Variants in TCAIM observed in about 807,000 individuals in gnomAD.
TCAIM encodes T cell activation inhibitor, mitochondrial.
Under a neutral mutation model 58.6 loss-of-function variants are expected in TCAIM, and 36 were observed. That is an observed-to-expected ratio of 0.61 (90% CI 0.47 to 0.81). TCAIM has a LOEUF of 0.81. Among genes scored for constraint, TCAIM ranks in the 30% least tolerant of loss-of-function variants. The pLI is 0.00. For missense variants in TCAIM, 466 were observed against 579.6 expected, an observed-to-expected ratio of 0.80 and a Z score of 2.01; for synonymous variants, 172 against 193.6, an observed-to-expected ratio of 0.89 and a Z score of 0.93.
At position 44,392,879 on chromosome 3, in the gene TCAIM, A is replaced by T. The variant is rs1200012992; in HGVS notation, c.597A>T (p.Lys199Asn). ...TLTSWLDNNG[K>N]SAVKKLKNSL... ...GATCCTGGTTAGATAACAATGGGAA[A>T]AGTGCTGTTAAAAAGCTAAAGAACA... Residue 199 changes from lysine to asparagine, a missense_variant, in exon 6 of 11, where the codon AAA (lysine) becomes AAT (asparagine). Coordinates refer to ENST00000342649, the MANE Select transcript of TCAIM (RefSeq NM_173826.4). 2.5e-6 allele frequency: 4 copies of T among 1,613,170 alleles called. No individual in the cohort carries two copies. In the African/African-American group the frequency reaches 5.3e-5, roughly 22 times the overall value.
At chr3:44,358,798 G>C (rs1230739979) in intron 3 of TCAIM, 19 of 985,130 alleles carry the variant, frequency 1.9e-5, no homozygotes, top group Non-Finnish European at 2.3e-5. Context: ...CTGATATCTA[G>C]TTTAATATGA....
At chr3:44,371,560 A>G (rs1575256606) in intron 5 of TCAIM, among the ~76,000 whole-genome samples, 2 of 152,324 alleles carry the variant, frequency 1.3e-5, no homozygotes, top group East Asian at 1.9e-4. Context: ...AATGCAGGGT[A>G]GGCTAAATCC....
chr3:44,382,552 A>G (rs1170646027), intron 5 of TCAIM, among the ~76,000 whole-genome samples: 1 of 152,210 alleles, frequency 6.6e-6, no homozygotes, highest in Non-Finnish European at 1.5e-5. Flanking sequence ...GCCACATGCA[A>G]AGGAATGAAG....
chr3:44,372,011 AAGGAAG>A (rs1172638360), intron 5 of TCAIM, among the ~76,000 whole-genome samples: 260 of 16,406 alleles, frequency 0.016, no homozygotes, highest in African/African-American at 0.044. Context: ...AGAAAGAGAG[AAGGAAG>A]GAAGGAAGGA....
chr3:44,401,109 T>C, intron 9 of TCAIM, 94 bp from the exon 10 acceptor site: 1 of 1,518,038 alleles, frequency 6.6e-7, no homozygotes, highest in Non-Finnish European at 8.8e-7. Context: ...CTTGATGATT[T>C]TTTTTTATTT....
chr3:44,358,644 T>C, intron 3 of TCAIM: 1 of 604,520 alleles, frequency 1.7e-6, no homozygotes, highest in Non-Finnish European at 2.1e-6. Flanking sequence ...TACACTATTT[T>C]ATATGAGAGA....
At chr3:44,353,698 A>G (rs1434514626) in intron 1 of TCAIM, among the ~76,000 whole-genome samples, 1 of 152,144 alleles carries the variant, frequency 6.6e-6, no homozygotes, top group Non-Finnish European at 1.5e-5. Context: ...ACTGCATTTC[A>G]TATGCTCATT....
intron 5 of TCAIM, among the ~76,000 whole-genome samples, chr3:44,369,444 T>C (rs990582498): frequency 6.6e-6 from 1 of 152,232 alleles, no homozygotes; most frequent in African/African-American, 2.4e-5. Context: ...AAGCAGTTGG[T>C]CTGTGGTTCA....
At chr3:44,379,187 C>CA (rs757481300) in intron 5 of TCAIM, among the ~76,000 whole-genome samples, 4,491 of 122,152 alleles carry the variant, frequency 0.037, 91 homozygotes, top group Middle Eastern at 0.08. Flanking sequence ...GGCCCTGTCT[C>CA]AAAAAAAAAA....
At chr3:44,367,859 C>A in intron 5 of TCAIM, 151 bp downstream of exon 5, 1 of 715,504 alleles carries the variant, frequency 1.4e-6, no homozygotes, top group Non-Finnish European at 2.2e-6. Context: ...GTAATACTAT[C>A]AGTCTAGTTA....
chr3:44,341,974 T>C, intron 1 of TCAIM, among the ~76,000 whole-genome samples: 1 of 152,220 alleles, frequency 6.6e-6, no homozygotes, highest in Admixed American at 6.5e-5. Context: ...TCTGTGTCTT[T>C]CCACCATTTT....
At position 44,392,382 on chromosome 3, in the gene TCAIM, A is replaced by C. The variant is rs548320701; in HGVS notation, c.573-473A>C. The stretch of plus-strand genomic sequence containing the variant: ...ACATGTGTAGGTTTGTTATATAAAT[A>C]AACTCTCATCATAGGGGTTTGTTGT... On this transcript the variant is annotated intron_variant, in intron 5 of 10. Transcript: ENST00000342649. Among the ~76,000 whole-genome samples, 4 of 152,266 alleles carry C rather than the reference A, an allele frequency of 2.6e-5. No homozygotes were observed. In the South Asian group the frequency reaches 6.2e-4, roughly 24 times the overall value.
chr3:44,365,632 C>T (rs529236392), intron 4 of TCAIM, among the ~76,000 whole-genome samples: 25 of 152,096 alleles, frequency 1.6e-4, no homozygotes, highest in African/African-American at 5.3e-4. Flanking sequence ...CGGCCTCATA[C>T]GTGATACACA....
At chr3:44,376,859 C>T (rs182600520) in intron 5 of TCAIM, among the ~76,000 whole-genome samples, 151 of 152,258 alleles carry the variant, frequency 9.9e-4, no homozygotes, top group Admixed American at 1.9e-3. Flanking sequence ...GAGACTAAGG[C>T]GGGTGGATCA....
intron 8 of TCAIM, among the ~76,000 whole-genome samples, chr3:44,400,093 A>G (rs987595629): frequency 6.6e-6 from 1 of 152,232 alleles, no homozygotes; most frequent in African/African-American, 2.4e-5. Context: ...GCTTAGGATT[A>G]GGACTTACTT....
At chr3:44,396,266 C>G in intron 6 of TCAIM, 134 bp from the exon 7 acceptor site, 2 of 629,638 alleles carry the variant, frequency 3.2e-6, no homozygotes, top group South Asian at 5.6e-5. Context: ...AACATATGAT[C>G]AATCAAAACA....
At chr3:44,396,116 C>T (rs886276974) in intron 6 of TCAIM, among the ~76,000 whole-genome samples, 1 of 152,236 alleles carries the variant, frequency 6.6e-6, no homozygotes, top group Non-Finnish European at 1.5e-5. Flanking sequence ...CCCATTTCAT[C>T]ATCTTATTTT....
intron 5 of TCAIM, among the ~76,000 whole-genome samples, chr3:44,370,856 C>G (rs1393594447): frequency 6.6e-6 from 1 of 150,908 alleles, no homozygotes; most frequent in African/African-American, 2.4e-5. Context: ...ATCCTCCCGC[C>G]TCAGCCTTTG....
chr3:44,383,573 G>A (rs980044247), intron 5 of TCAIM, among the ~76,000 whole-genome samples: 1 of 152,130 alleles, frequency 6.6e-6, no homozygotes, highest in Admixed American at 6.5e-5. Flanking sequence ...TGTTTAATGT[G>A]TACAGAGTTT....
Sources: gnomAD v4.1 joint callset for allele counts (sites outside exome capture counted in the v4.1 genomes callset) on GRCh38, gnomAD v4.1.1 for gene constraint, MANE v1.5 for transcripts, NCBI Gene and HGNC (gene_info 2026-07-23, HGNC 2026-07-21) for gene names.